HPSE2: variants seen among roughly 807,000 people sequenced by gnomAD.
The protein encoded by HPSE2 is inactive heparanase-2.
In HPSE2, 38 loss-of-function variants were observed where a neutral mutation model predicts 60.5. The ratio of observed to expected loss-of-function variants is 0.63; its 90% CI spans 0.48 to 0.82. HPSE2 has a LOEUF of 0.82. Ranked by LOEUF, HPSE2 falls within the 40% of genes least tolerant of loss-of-function variation. The probability of loss-of-function intolerance (pLI) is 0.00; values close to 1 mark genes in which losing one functional copy is unlikely to be tolerated. For synonymous variants in HPSE2, 295 were observed against 293.2 expected (o/e 1.01, Z -0.06); for missense variants, 713 against 740.4 (o/e 0.96, Z 0.43).
At chr10:99,024,849 G>C (rs1195076771) in intron 3 of HPSE2, among the ~76,000 whole-genome samples, 1 of 152,056 alleles carries the variant, frequency 6.6e-6, no homozygotes, top group Non-Finnish European at 1.5e-5. Flanking sequence ...GAGAGATAAA[G>C]ACTTTCCCAC....
At chr10:98,509,041 C>T (rs916620253) in intron 9 of HPSE2, among the ~76,000 whole-genome samples, 2 of 152,074 alleles carry the variant, frequency 1.3e-5, no homozygotes, top group African/African-American at 4.8e-5. Context: ...GTTTAGATGG[C>T]GCGGTGGCTC....
At chr10:99,030,755 T>G (rs897055199) in intron 3 of HPSE2, among the ~76,000 whole-genome samples, 1 of 152,070 alleles carries the variant, frequency 6.6e-6, no homozygotes, top group Non-Finnish European at 1.5e-5. Context: ...GATGAATGGA[T>G]AAAGAAAATG....
At chr10:98,820,254 G>A (rs1041334272) in intron 3 of HPSE2, among the ~76,000 whole-genome samples, 25 of 152,124 alleles carry the variant, frequency 1.6e-4, no homozygotes, top group African/African-American at 5.8e-4. Flanking sequence ...TTTGTTCCTT[G>A]TGAACATGAT....
intron 3 of HPSE2, among the ~76,000 whole-genome samples, chr10:98,989,703 G>A (rs1019338001): frequency 6.6e-6 from 1 of 151,954 alleles, no homozygotes; most frequent in Non-Finnish European, 1.5e-5. Flanking sequence ...AGGATGCTTG[G>A]TCTCCATGTG....
chr10:98,707,691 G>GA (rs1948581847), intron 5 of HPSE2, among the ~76,000 whole-genome samples: 1 of 152,056 alleles, frequency 6.6e-6, no homozygotes, highest in South Asian at 2.1e-4. Flanking sequence ...ATAGTTTACA[G>GA]AAAAATAGTT....
chr10:98,614,713 G>A (rs1318850573), intron 9 of HPSE2, among the ~76,000 whole-genome samples, 191 bp downstream of exon 9: 1 of 152,246 alleles, frequency 6.6e-6, no homozygotes, highest in African/African-American at 2.4e-5. Flanking sequence ...GTGTGTGTGT[G>A]TGTGTGTGTG....
intron 5 of HPSE2, among the ~76,000 whole-genome samples, chr10:98,694,527 A>G (rs510904): frequency 0.37 from 55,823 of 152,026 alleles, 10,462 homozygotes; most frequent in Admixed American, 0.42. Context: ...GAGCAGCTAA[A>G]TAGAGTACTG....
At chr10:99,258,230 T>G in the HPSE2 span, among the ~76,000 whole-genome samples, 1 of 152,040 alleles carries the variant, frequency 6.6e-6, no homozygotes, top group African/African-American at 2.4e-5. Context: ...GAATTGAAAT[T>G]TCATAAACAA....
At chr10:99,170,998 G>A (rs1452572675) in intron 2 of HPSE2, among the ~76,000 whole-genome samples, 1 of 152,170 alleles carries the variant, frequency 6.6e-6, no homozygotes, top group Non-Finnish European at 1.5e-5. Flanking sequence ...AGGAGGATAT[G>A]TACAGATTAT....
chr10:98,563,466 A>T (rs1243568576), intron 9 of HPSE2, among the ~76,000 whole-genome samples: 1 of 152,184 alleles, frequency 6.6e-6, no homozygotes, highest in Non-Finnish European at 1.5e-5. Flanking sequence ...CTTCTTGGGT[A>T]ATGAAAATGT....
At chr10:99,068,569 C>A (rs1842687118) in intron 3 of HPSE2, among the ~76,000 whole-genome samples, 1 of 152,158 alleles carries the variant, frequency 6.6e-6, no homozygotes, top group South Asian at 2.1e-4. Flanking sequence ...CACCTGGCCC[C>A]ACATGTGGAT....
At chr10:98,585,842 C>T (rs1178339802) in intron 9 of HPSE2, among the ~76,000 whole-genome samples, 1 of 150,930 alleles carries the variant, frequency 6.6e-6, no homozygotes, top group Non-Finnish European at 1.5e-5. Context: ...ATCCCAGCTA[C>T]TCGGGAGGCT....
At chr10:99,044,033 C>T (rs1957801050) in intron 3 of HPSE2, among the ~76,000 whole-genome samples, 1 of 152,072 alleles carries the variant, frequency 6.6e-6, no homozygotes, top group Non-Finnish European at 1.5e-5. Flanking sequence ...AGATACTATA[C>T]AATATGACTA....
intron 9 of HPSE2, among the ~76,000 whole-genome samples, chr10:98,541,585 G>A (rs1207902463): frequency 2.6e-5 from 4 of 152,170 alleles, no homozygotes; most frequent in South Asian, 4.1e-4. Flanking sequence ...GGTGACAGAC[G>A]GCACCTGGAA....
chr10:99,138,904 A>G (rs1845763305), intron 3 of HPSE2, among the ~76,000 whole-genome samples: 1 of 152,158 alleles, frequency 6.6e-6, no homozygotes, highest in South Asian at 2.1e-4. Flanking sequence ...AAAAGAGGCT[A>G]AAGGTATGCA....
intron 3 of HPSE2, among the ~76,000 whole-genome samples, chr10:98,939,140 T>G (rs1382217392): frequency 7.0e-6 from 1 of 143,502 alleles, no homozygotes; most frequent in Non-Finnish European, 1.5e-5. Flanking sequence ...CATGGCAAAT[T>G]GTAAAGACCA....
At chr10:98,600,911 GTATATATA>G (rs71007402) in intron 9 of HPSE2, among the ~76,000 whole-genome samples, 1 of 73,702 alleles carries the variant, frequency 1.4e-5, no homozygotes, top group African/African-American at 3.7e-5. Context: ...ATGTGTGTGT[GTATATATA>G]TATATATATA....
At chr10:98,890,773 C>T (rs550269198) in intron 3 of HPSE2, among the ~76,000 whole-genome samples, 5 of 152,220 alleles carry the variant, frequency 3.3e-5, no homozygotes, top group East Asian at 3.9e-4. Context: ...CTAGGTGGAG[C>T]CTTACACATA....
intron 3 of HPSE2, among the ~76,000 whole-genome samples, chr10:99,054,959 G>A (rs988832040): frequency 7.2e-5 from 11 of 152,090 alleles, no homozygotes; most frequent in East Asian, 1.9e-4. Flanking sequence ...TGATCTGCCC[G>A]CCTCAGCCTC....
Sources: gnomAD v4.1 joint callset for allele counts (sites outside exome capture counted in the v4.1 genomes callset) on GRCh38, gnomAD v4.1.1 for gene constraint, MANE v1.5 for transcripts, NCBI Gene and HGNC (gene_info 2026-07-23, HGNC 2026-07-21) for gene names.